HECW1: variants seen among roughly 807,000 people sequenced by gnomAD.
The protein encoded by HECW1 is HECT, C2 and WW domain containing E3 ubiquitin protein ligase 1, also known as E3 ubiquitin-protein ligase HECW1.
A neutral mutation model predicts 182.3 loss-of-function variants in HECW1; 61 were observed. The ratio of observed to expected loss-of-function variants is 0.33; its 90% CI spans 0.27 to 0.41. The LOEUF (loss-of-function observed/expected upper bound fraction) is 0.41, where lower values mean the gene tolerates loss of function less well. Among genes scored for constraint, HECW1 ranks in the 10% least tolerant of loss-of-function variants. The pLI is 1.00. For missense variants in HECW1, 1,739 were observed against 2,108.9 expected, an observed-to-expected ratio of 0.82 and a Z score of 3.44; for synonymous variants, 859 against 832.6, an observed-to-expected ratio of 1.03 and a Z score of -0.55.
At chr7:43,340,221 C>A (rs188794153) in intron 5 of HECW1, among the ~76,000 whole-genome samples, 2 of 99,888 alleles carry the variant, frequency 2.0e-5, no homozygotes, top group East Asian at 7.5e-4. Flanking sequence ...TCCCACCCCC[C>A]ACCCCTTTTT....
intron 3 of HECW1, among the ~76,000 whole-genome samples, chr7:43,253,911 A>G (rs74779735): frequency 6.8e-6 from 1 of 146,370 alleles, no homozygotes; most frequent in Non-Finnish European, 1.5e-5. Flanking sequence ...TCCGTCTCAG[A>G]AAAAAAAAAA....
At chr7:43,239,259 C>T (rs993454001) in intron 2 of HECW1, 2 of 152,180 alleles carry the variant, frequency 1.3e-5, no homozygotes, top group African/African-American at 4.8e-5. Flanking sequence ...GTTAAATTAG[C>T]AAATGTAATT....
chr7:43,368,924 AT>A (rs1437718218), intron 6 of HECW1, among the ~76,000 whole-genome samples: 1 of 152,208 alleles, frequency 6.6e-6, no homozygotes, highest in African/African-American at 2.4e-5. Flanking sequence ...ATTAGAAAAA[AT>A]TTATGGAAAG....
intron 13 of HECW1, among the ~76,000 whole-genome samples, chr7:43,459,872 A>G (rs1333572033): frequency 6.6e-6 from 1 of 152,188 alleles, no homozygotes; most frequent in Admixed American, 6.5e-5. Context: ...TCCATCTTCA[A>G]TTTCCATATG....
chr7:43,242,886 G>A (rs1228535531), intron 2 of HECW1, among the ~76,000 whole-genome samples: 9 of 152,144 alleles, frequency 5.9e-5, no homozygotes, highest in East Asian at 3.9e-4. Flanking sequence ...CCACCAGGGC[G>A]TTGGACACAG....
chr7:43,266,980 A>T (rs1801874639), intron 3 of HECW1, among the ~76,000 whole-genome samples: 1 of 152,208 alleles, frequency 6.6e-6, no homozygotes, highest in Non-Finnish European at 1.5e-5. Flanking sequence ...AAGGACCATG[A>T]TCCTCTACAC....
chr7:43,550,767 T>G (rs1431618676), intron 27 of HECW1, among the ~76,000 whole-genome samples, 176 bp downstream of exon 27: 3 of 152,154 alleles, frequency 2.0e-5, no homozygotes, highest in African/African-American at 7.2e-5. Context: ...AGGATCTTCT[T>G]GTGGTGGAGG....
chr7:43,546,503 C>T (rs959933040), intron 26 of HECW1, among the ~76,000 whole-genome samples: 3 of 151,724 alleles, frequency 2.0e-5, no homozygotes, highest in Non-Finnish European at 4.4e-5. Context: ...GTTCCTATGA[C>T]TCCTGATCTA....
intron 6 of HECW1, among the ~76,000 whole-genome samples, chr7:43,373,820 G>A (rs1035232364): frequency 6.6e-6 from 1 of 152,172 alleles, no homozygotes; most frequent in African/African-American, 2.4e-5. Flanking sequence ...GCCCTTGGCA[G>A]CCACCATCCT....
intron 3 of HECW1, among the ~76,000 whole-genome samples, chr7:43,246,192 A>G (rs1401482508): frequency 6.6e-6 from 1 of 152,112 alleles, no homozygotes; most frequent in Non-Finnish European, 1.5e-5. Flanking sequence ...AGTCCCAGCT[A>G]CTGAGGAGGC....
rs752614086 is a variant in HECW1, at chr7:43,311,993, C to T, written c.258C>T (p.Ser86=). ...DSRSTLMVSS[S]YYSIGHSQDL... ...GCTCCACGCTCATGGTCAGCAGCTC[C>T]TACTATTCCATCGGGCACTCTCAGG... Residue 86 remains serine, a synonymous_variant, in exon 4 of 30, where the codon TCC becomes TCT. Transcript: ENST00000395891. The T allele has an allele frequency of 1.1e-5, 17 of 1,614,270 alleles. 1 individual carries two copies. The East Asian group carries it at 3.3e-4, about 32-fold the overall frequency.
intron 2 of HECW1, among the ~76,000 whole-genome samples, chr7:43,140,896 A>T (rs1462898582): frequency 6.6e-6 from 1 of 152,152 alleles, no homozygotes; most frequent in Non-Finnish European, 1.5e-5. Context: ...CATCATAGAC[A>T]GAGACAGAAG....
chr7:43,285,737 T>C (rs955299019), intron 3 of HECW1, among the ~76,000 whole-genome samples: 8 of 152,096 alleles, frequency 5.3e-5, no homozygotes, highest in African/African-American at 1.9e-4. Context: ...AAGGCTGCAG[T>C]GAGCCGTAAT....
intron 2 of HECW1, chr7:43,118,481 T>G (rs1265942457): frequency 1.3e-5 from 2 of 152,422 alleles, no homozygotes; most frequent in Non-Finnish European, 2.9e-5. Flanking sequence ...ATCAGTGCCG[T>G]CAGTACCAGA....
At chr7:43,382,028 G>A (rs1460424486) in intron 6 of HECW1, among the ~76,000 whole-genome samples, 1 of 151,930 alleles carries the variant, frequency 6.6e-6, no homozygotes, top group Admixed American at 6.6e-5. Flanking sequence ...CCTCACGCCT[G>A]TAGTCCCAGC....
At chr7:43,117,267 A>T (rs959736053) in intron 2 of HECW1, among the ~76,000 whole-genome samples, 1 of 152,096 alleles carries the variant, frequency 6.6e-6, no homozygotes. Flanking sequence ...AATAACTCTT[A>T]TGGTCAAAGT....
intron 2 of HECW1, among the ~76,000 whole-genome samples, chr7:43,150,603 T>A (rs1398787386): frequency 1.3e-5 from 2 of 152,212 alleles, no homozygotes; most frequent in African/African-American, 2.4e-5. Flanking sequence ...TGTTTTGAAC[T>A]CCTGACCTCA....
chr7:43,507,691 G>A lies in HECW1; in HGVS notation c.3753-327G>A, dbSNP rs189494057. 1.6e-3 allele frequency among the ~76,000 whole-genome samples: 248 copies of A among 152,110 alleles called. 3 individuals carry two copies. The highest frequency in any genetic ancestry group is 5.4e-3 in the African/African-American group (225 of 41,468). The stretch of plus-strand genomic sequence containing the variant: ...AATGTTGTTTATATTTTCCCTTCTG[G>A]GTTTATTATTTTCATCTCAAAAAGC... On this transcript the variant is annotated intron_variant, in intron 22 of 29. Transcript: ENST00000395891.
intron 6 of HECW1, among the ~76,000 whole-genome samples, chr7:43,374,859 C>G (rs1222704510): frequency 7.0e-6 from 1 of 142,510 alleles, no homozygotes; most frequent in Non-Finnish European, 1.6e-5. Context: ...TAAAAAAATA[C>G]ATACCTAATT....
Sources: allele counts gnomAD v4.1 joint callset (sites outside exome capture counted in the v4.1 genomes callset), GRCh38; gene constraint gnomAD v4.1.1; transcripts MANE v1.5; gene names NCBI Gene and HGNC (gene_info 2026-07-23, HGNC 2026-07-21).